INSYN2B: variants seen among roughly 807,000 people sequenced by gnomAD.
The protein encoded by INSYN2B is protein INSYN2B.
A neutral mutation model predicts 41.2 loss-of-function variants in INSYN2B; 16 were observed. That is an observed-to-expected ratio of 0.39 (90% CI 0.26 to 0.59). The LOEUF (loss-of-function observed/expected upper bound fraction) is 0.59. INSYN2B is among the 20% of genes least tolerant of loss of function. The pLI is 0.57. For missense variants in INSYN2B, 608 were observed against 646.4 expected (o/e 0.94, Z 0.64); for synonymous variants, 245 against 244.4 (o/e 1.00, Z -0.02).
At chr5:169,895,169 G>A (rs1001299010) in intron 1 of INSYN2B, among the ~76,000 whole-genome samples, 10 of 152,144 alleles carry the variant, frequency 6.6e-5, no homozygotes, top group East Asian at 3.9e-4. Flanking sequence ...ATGGGCTCAC[G>A]GTGTTTGCCT....
intron 1 of INSYN2B, among the ~76,000 whole-genome samples, chr5:169,956,341 C>T (rs1581469246): frequency 6.6e-6 from 1 of 152,156 alleles, no homozygotes; most frequent in East Asian, 1.9e-4. Flanking sequence ...AAGATTTAGC[C>T]ACAAGTGATA....
intron 3 of INSYN2B, chr5:169,875,093 T>C (rs1330745070): frequency 1.2e-5 from 5 of 414,768 alleles, no homozygotes; most frequent in Non-Finnish European, 2.4e-5. Context: ...CTCTGGGCTA[T>C]TTTACAAGCA....
At chr5:169,967,967 A>C (rs1366283813) in intron 1 of INSYN2B, among the ~76,000 whole-genome samples, 1 of 152,098 alleles carries the variant, frequency 6.6e-6, no homozygotes, top group African/African-American at 2.4e-5. Flanking sequence ...CATGGGGAGG[A>C]GGAAGAAAGG....
At chr5:169,969,231 G>T (rs775201443) in intron 1 of INSYN2B, among the ~76,000 whole-genome samples, 1 of 151,998 alleles carries the variant, frequency 6.6e-6, no homozygotes, top group Non-Finnish European at 1.5e-5. Context: ...GATCACCTGA[G>T]GTCAGGAGCT....
At chr5:169,960,672 C>G (rs1777047516) in intron 1 of INSYN2B, among the ~76,000 whole-genome samples, 1 of 152,178 alleles carries the variant, frequency 6.6e-6, no homozygotes, top group South Asian at 2.1e-4. Flanking sequence ...ATTCGGGTCT[C>G]TATATTGTTG....
At chr5:169,949,561 A>G (rs567294254) in intron 1 of INSYN2B, among the ~76,000 whole-genome samples, 17 of 151,894 alleles carry the variant, frequency 1.1e-4, no homozygotes, top group Admixed American at 2.0e-4. Context: ...GTTGGTACCC[A>G]GAGGCGGGGG....
chr5:169,900,051 C>T (rs1254187355), intron 1 of INSYN2B, among the ~76,000 whole-genome samples: 2 of 152,196 alleles, frequency 1.3e-5, no homozygotes, highest in Non-Finnish European at 2.9e-5. Context: ...TTTCCTCCTT[C>T]CCTCTCTCCA....
intron 1 of INSYN2B, among the ~76,000 whole-genome samples, chr5:169,925,790 T>A (rs1177062959): frequency 1.3e-5 from 2 of 152,086 alleles, no homozygotes; most frequent in East Asian, 3.9e-4. Context: ...AGACCAATAA[T>A]GGTGAGTCCT....
chr5:169,889,709 G>C (rs936605958), intron 1 of INSYN2B, among the ~76,000 whole-genome samples: 7 of 152,322 alleles, frequency 4.6e-5, no homozygotes, highest in East Asian at 1.9e-4. Flanking sequence ...ATTCAGATCT[G>C]CCATTGTGGC....
intron 1 of INSYN2B, among the ~76,000 whole-genome samples, chr5:169,976,943 C>T (rs534098071): frequency 2.6e-5 from 4 of 152,288 alleles, no homozygotes; most frequent in East Asian, 1.9e-4. Flanking sequence ...ATGAACCTTG[C>T]GGATCAAAAA....
At chr5:169,873,544 C>T (rs1171696439) in intron 3 of INSYN2B, among the ~76,000 whole-genome samples, 1 of 152,186 alleles carries the variant, frequency 6.6e-6, no homozygotes, top group Non-Finnish European at 1.5e-5. Flanking sequence ...CTGTGGACTT[C>T]ATTGCTGGCC....
At chr5:169,946,924 G>A (rs951470828) in intron 1 of INSYN2B, among the ~76,000 whole-genome samples, 20 of 152,320 alleles carry the variant, frequency 1.3e-4, no homozygotes, top group African/African-American at 4.3e-4. Flanking sequence ...AGGGAAGAGC[G>A]TGGGCAAGGC....
intron 1 of INSYN2B, among the ~76,000 whole-genome samples, chr5:169,926,609 T>G (rs1775476159): frequency 6.6e-6 from 1 of 152,014 alleles, no homozygotes. Context: ...CAGAATAGGG[T>G]TTAAGCAAAG....
intron 1 of INSYN2B, among the ~76,000 whole-genome samples, chr5:169,921,720 G>A (rs913978742): frequency 2.6e-5 from 4 of 152,196 alleles, no homozygotes; most frequent in African/African-American, 9.7e-5. Flanking sequence ...CATCCCAGGA[G>A]TACATTGAAA....
At chr5:169,959,368 C>G (rs1171347798) in intron 1 of INSYN2B, among the ~76,000 whole-genome samples, 1 of 142,354 alleles carries the variant, frequency 7.0e-6, no homozygotes, top group African/African-American at 2.7e-5. Flanking sequence ...GACTCCGTCT[C>G]AAAAGAAAAA....
At position 169,926,121 on chromosome 5, in the gene INSYN2B, G is replaced by A. The variant is rs967580994; in HGVS notation, c.-918-41305C>T. Among the ~76,000 whole-genome samples the A allele has an allele frequency of 2.7e-4, 41 of 152,270 alleles. 1 individual carries two copies. The highest frequency in any genetic ancestry group is 9.9e-4 in the African/African-American group (41 of 41,552). ...AAGTGGGATGCTGTGGGAAAACATAGATCTGGGAAGCCAGTCAGGCCAAAG... is the reference window on the plus strand; with the variant it reads ...AAGTGGGATGCTGTGGGAAAACATAAATCTGGGAAGCCAGTCAGGCCAAAG... On this transcript the variant is annotated intron_variant, in intron 1 of 3. Coordinates refer to ENST00000377365, the MANE Select transcript of INSYN2B (RefSeq NM_001129891.3).
rs1561828965 is a variant in INSYN2B at position 169,925,578 on chromosome 5, T to TAAAAAAAAAAAAAAAAA, written c.-918-40763_-918-40762insTTTTTTTTTTTTTTTTT. 1.1e-3 allele frequency among the ~76,000 whole-genome samples: 37 copies of TAAAAAAAAAAAAAAAAA among 32,320 alleles called. 9 individuals are homozygous for TAAAAAAAAAAAAAAAAA. Among genetic ancestry groups the TAAAAAAAAAAAAAAAAA allele is most frequent in the African/African-American group, 4.6e-3 (36 of 7,832 alleles). The allele number at this position is 32,320 out of a possible 152,430, so 21.2% of individuals were successfully genotyped here. A position where few individuals can be genotyped will look rare whatever the true frequency, so the allele number is the denominator to read the frequency against. The stretch of plus-strand genomic sequence containing the variant: ...CTGGGCGACAGAGCAAGACTCTGTC[T>TAAAAAAAAAAAAAAAAA]TAAAAAAAAAAAAAAAAAAAAAAAA... On this transcript the variant is annotated intron_variant, in intron 1 of 3. Coordinates refer to ENST00000377365, the MANE Select transcript of INSYN2B (RefSeq NM_001129891.3).
intron 1 of INSYN2B, among the ~76,000 whole-genome samples, chr5:169,885,129 C>T (rs970184745): frequency 2.6e-5 from 4 of 152,188 alleles, no homozygotes; most frequent in Non-Finnish European, 4.4e-5. Context: ...ACTCACACAC[C>T]CAGTGCCAAG....
intron 1 of INSYN2B, among the ~76,000 whole-genome samples, chr5:169,911,999 A>T (rs1449008773): frequency 2.0e-5 from 3 of 152,212 alleles, no homozygotes; most frequent in African/African-American, 4.8e-5. Context: ...GCATAAGCCA[A>T]GATCCCTAAC....
Sources: allele counts gnomAD v4.1 joint callset (sites outside exome capture counted in the v4.1 genomes callset), GRCh38; gene constraint gnomAD v4.1.1; transcripts MANE v1.5; gene names NCBI Gene and HGNC (gene_info 2026-07-23, HGNC 2026-07-21).